The following WDR41 variants were observed in gnomAD, a reference collection of about 807,000 sequenced individuals.
WDR41 encodes the protein WD repeat-containing protein 41.
WDR41 carries 63 observed loss-of-function variants against 69.3 expected under a neutral mutation model. The ratio of observed to expected loss-of-function variants is 0.91; its 90% CI spans 0.74 to 1.12. The LOEUF (loss-of-function observed/expected upper bound fraction) is 1.12. Ranked by LOEUF, WDR41 falls within the 50% of genes most tolerant of loss-of-function variation. WDR41 has a pLI of 0.00. For synonymous variants in WDR41, 185 were observed against 192.1 expected (o/e 0.96, Z 0.31); for missense variants, 543 against 534.5 (o/e 1.02, Z -0.16).
rs528470464 is a variant in WDR41, at chr5:77,430,978, G to C, written c.*2157C>G. 2 of 152,250 alleles carry C rather than the reference G, an allele frequency of 1.3e-5. No homozygotes were observed. The highest frequency in any genetic ancestry group is 2.1e-4 in the South Asian group (1 of 4,822). The allele number at this position is 152,250 out of a possible 1,614,324, so 9.4% of individuals were successfully genotyped here. On this transcript the variant is annotated 3_prime_UTR_variant, in exon 13 of 13. Coordinates refer to ENST00000296679, the MANE Select transcript of WDR41 (RefSeq NM_018268.4). ...ATCAAACTTTAATAGATGAGAAGTT[G>C]CTTAAGAATGTGTATAGAAAGTGGT...
intron 1 of WDR41, among the ~76,000 whole-genome samples, chr5:77,594,099 G>T: frequency 6.6e-6 from 1 of 151,962 alleles, no homozygotes; most frequent in South Asian, 2.1e-4. Flanking sequence ...TAAATGATGA[G>T]TTCATGTCCT....
At chr5:77,577,545 T>A (rs2112284544) in intron 1 of WDR41, among the ~76,000 whole-genome samples, 1 of 152,286 alleles carries the variant, frequency 6.6e-6, no homozygotes, top group African/African-American at 2.4e-5. Flanking sequence ...GAAATTCATC[T>A]AAATACTTCA....
chr5:77,512,234 G>A (rs951019461), intron 1 of WDR41, among the ~76,000 whole-genome samples: 1 of 152,188 alleles, frequency 6.6e-6, no homozygotes, highest in South Asian at 2.1e-4. Flanking sequence ...AATTGGCATA[G>A]GGAGCAGCCT....
chr5:77,482,699 A>G lies in WDR41; in HGVS notation c.167+6758T>C, dbSNP rs138492262. ...CTGGCTATCTTGTGTGTGTATGTGT[A>G]TATGTTATGATTTAGGCCATCTAAA... On this transcript the variant is annotated intron_variant, in intron 2 of 12. Transcript: ENST00000296679. Among the ~76,000 whole-genome samples the G allele has an allele frequency of 1.7e-3, 260 of 152,198 alleles. 1 individual carries two copies. Among genetic ancestry groups the G allele is most frequent in the African/African-American group, 6.1e-3 (252 of 41,536 alleles).
At chr5:77,554,578 C>T (rs2112246446) in intron 1 of WDR41, among the ~76,000 whole-genome samples, 1 of 151,070 alleles carries the variant, frequency 6.6e-6, no homozygotes, top group Middle Eastern at 3.4e-3. Context: ...GCCTCCAGAA[C>T]TATCAGAAAT....
chr5:77,578,089 A>G (rs1743865897), intron 1 of WDR41, among the ~76,000 whole-genome samples: 1 of 152,350 alleles, frequency 6.6e-6, no homozygotes, highest in Non-Finnish European at 1.5e-5. Flanking sequence ...CCGAAAAAAG[A>G]TCAAAATTCA....
At chr5:77,440,073 ACAC>A (rs1799099075) in intron 9 of WDR41, among the ~76,000 whole-genome samples, 1 of 152,174 alleles carries the variant, frequency 6.6e-6, no homozygotes, top group Non-Finnish European at 1.5e-5. Flanking sequence ...CCACTACATA[ACAC>A]TACTACTGAA....
chr5:77,464,274 C>T (rs375007254), intron 3 of WDR41, among the ~76,000 whole-genome samples: 4,246 of 94,302 alleles, frequency 0.045, 125 homozygotes, highest in Middle Eastern at 0.18. Context: ...TAGGAAAAAA[C>T]TTTTTTTTTT....
intron 1 of WDR41, among the ~76,000 whole-genome samples, chr5:77,615,058 G>A (rs1744650988): frequency 6.6e-6 from 1 of 152,178 alleles, no homozygotes. Context: ...TGGGAGCAGG[G>A]ATTGACTGCA....
intron 9 of WDR41, 39 bp downstream of exon 9, chr5:77,440,774 G>A: frequency 6.3e-7 from 1 of 1,596,648 alleles, no homozygotes; most frequent in Non-Finnish European, 8.6e-7. Context: ...GGTTATATAT[G>A]TCAAAGGCAA....
chr5:77,544,997 G>A (rs1053368518), intron 1 of WDR41, among the ~76,000 whole-genome samples: 3 of 151,944 alleles, frequency 2.0e-5, no homozygotes, highest in African/African-American at 4.8e-5. Flanking sequence ...GAATAAAACT[G>A]GAAATCAACT....
chr5:77,610,838 C>A (rs1283811705), intron 1 of WDR41, among the ~76,000 whole-genome samples: 5 of 151,308 alleles, frequency 3.3e-5, no homozygotes, highest in South Asian at 2.1e-4. Context: ...ACTAAATGCT[C>A]CAATTAAAAG....
At chr5:77,513,490 A>T (rs1424909631) in intron 1 of WDR41, among the ~76,000 whole-genome samples, 11 of 152,262 alleles carry the variant, frequency 7.2e-5, no homozygotes, top group South Asian at 6.2e-4. Flanking sequence ...TTTTTTTCCA[A>T]TTAGCAAAGG....
At chr5:77,479,495 A>G (rs1414094475) in intron 2 of WDR41, among the ~76,000 whole-genome samples, 1 of 152,060 alleles carries the variant, frequency 6.6e-6, no homozygotes, top group Non-Finnish European at 1.5e-5. Context: ...ATGGAAAAGA[A>G]CAGAGCCCTC....
intron 1 of WDR41, among the ~76,000 whole-genome samples, chr5:77,608,557 C>T (rs901643354): frequency 6.6e-6 from 1 of 152,160 alleles, no homozygotes; most frequent in Non-Finnish European, 1.5e-5. Context: ...ACCTAAAAGC[C>T]ACATGTAGTC....
intron 1 of WDR41, among the ~76,000 whole-genome samples, chr5:77,582,127 T>TA (rs1307738395): frequency 6.6e-6 from 1 of 152,122 alleles, no homozygotes; most frequent in African/African-American, 2.4e-5. Context: ...GGACTCAACT[T>TA]ACTAGAATCA....
At chr5:77,443,328 G>T (rs987052849) in intron 8 of WDR41, among the ~76,000 whole-genome samples, 1 of 152,084 alleles carries the variant, frequency 6.6e-6, no homozygotes, top group Non-Finnish European at 1.5e-5. Context: ...GAGTAATTAT[G>T]ATTTAATTAT....
Position 77,489,448 on chromosome 5 carries a change from G to A in WDR41, c.167+9C>T, listed in dbSNP as rs1489205296. The stretch of plus-strand genomic sequence containing the variant: ...AACAATAGTCAATTAGACCACTATA[G>A]CTTCTTACCTGTAGTCATCTAACTG... On this transcript the variant is annotated intron_variant, in intron 2 of 12. Coordinates refer to ENST00000296679, the MANE Select transcript of WDR41 (RefSeq NM_018268.4). 6.5e-7 allele frequency: 1 copy of A among 1,546,386 alleles called. No homozygotes were observed.
intron 1 of WDR41, among the ~76,000 whole-genome samples, chr5:77,602,583 A>AT (rs145117097): frequency 0.016 from 2,285 of 142,184 alleles, 65 homozygotes; most frequent in African/African-American, 0.054. Flanking sequence ...AAATGACATG[A>AT]TTTTTTTTTC....
Sources: gnomAD v4.1 joint callset for allele counts (sites outside exome capture counted in the v4.1 genomes callset) on GRCh38, gnomAD v4.1.1 for gene constraint, MANE v1.5 for transcripts, NCBI Gene and HGNC (gene_info 2026-07-23, HGNC 2026-07-21) for gene names.